CNTN3: variants seen among roughly 807,000 people sequenced by gnomAD.
CNTN3 encodes the protein contactin-3.
CNTN3 carries 60 observed loss-of-function variants against 119.1 expected under a neutral mutation model. The ratio of observed to expected loss-of-function variants is 0.50; its 90% CI spans 0.41 to 0.62. CNTN3 has a LOEUF of 0.62. CNTN3 is among the 20% of genes least tolerant of loss of function. The probability of loss-of-function intolerance (pLI) is 0.00; values close to 1 mark genes in which losing one functional copy is unlikely to be tolerated. For missense variants in CNTN3, 1,101 were observed against 1,242.4 expected, an observed-to-expected ratio of 0.89 and a Z score of 1.71; for synonymous variants, 450 against 438.7, an observed-to-expected ratio of 1.03 and a Z score of -0.32.
intron 13 of CNTN3, among the ~76,000 whole-genome samples, chr3:74,328,248 T>C (rs566242845): frequency 6.6e-6 from 1 of 152,284 alleles, no homozygotes; most frequent in East Asian, 1.9e-4. Context: ...TATTTCTTAC[T>C]AGTTCTTTGT....
At chr3:74,336,127 T>C (rs771260510) in intron 12 of CNTN3, among the ~76,000 whole-genome samples, 11 of 152,094 alleles carry the variant, frequency 7.2e-5, no homozygotes, top group Admixed American at 1.3e-4. Flanking sequence ...GAATAAAATA[T>C]ATCCACAACT....
At chr3:74,266,401 C>T (rs375557300) in intron 22 of CNTN3, 80 bp downstream of exon 22, 2 of 1,355,342 alleles carry the variant, frequency 1.5e-6, no homozygotes, top group East Asian at 2.3e-5. Context: ...AAAGAATGGA[C>T]AGAGGGATAC....
chr3:74,538,322 G>A (rs1575815995), intron 1 of CNTN3, among the ~76,000 whole-genome samples: 1 of 151,984 alleles, frequency 6.6e-6, no homozygotes, highest in South Asian at 2.1e-4. Flanking sequence ...CTTTATTTTG[G>A]TTACATAATC....
intron 1 of CNTN3, among the ~76,000 whole-genome samples, chr3:74,566,757 T>C (rs533648813): frequency 1.3e-5 from 2 of 152,322 alleles, no homozygotes; most frequent in East Asian, 1.9e-4. Context: ...TTATGACTTA[T>C]ATCTTTTTGA....
chr3:74,568,031 T>A (rs756391839), intron 1 of CNTN3, among the ~76,000 whole-genome samples: 5 of 152,142 alleles, frequency 3.3e-5, no homozygotes, highest in Non-Finnish European at 5.9e-5. Context: ...AGCCCCCACT[T>A]TTTCTAAACC....
chr3:74,559,291 T>C (rs773948608), intron 1 of CNTN3, among the ~76,000 whole-genome samples: 3 of 152,148 alleles, frequency 2.0e-5, no homozygotes, highest in African/African-American at 7.2e-5. Flanking sequence ...ATTCTTTAGA[T>C]GCAAGGACCC....
intron 1 of CNTN3, among the ~76,000 whole-genome samples, chr3:74,556,387 A>G (rs1704069441): frequency 6.6e-6 from 1 of 152,142 alleles, no homozygotes; most frequent in East Asian, 1.9e-4. Flanking sequence ...ATTTCATATA[A>G]ATGGAATCAT....
At chr3:74,369,100 C>T in intron 8 of CNTN3, 89 bp downstream of exon 8, 1 of 948,632 alleles carries the variant, frequency 1.1e-6, no homozygotes, top group East Asian at 3.0e-5. Context: ...TGGGATTCTG[C>T]TATAATCTCT....
intron 20 of CNTN3, among the ~76,000 whole-genome samples, chr3:74,279,480 G>A (rs970262176): frequency 3.3e-5 from 5 of 152,028 alleles, no homozygotes; most frequent in African/African-American, 4.8e-5. Flanking sequence ...ATGAATTAAC[G>A]GCATTCACAG....
intron 5 of CNTN3, among the ~76,000 whole-genome samples, chr3:74,398,650 T>C (rs1203391386): frequency 1.3e-5 from 2 of 152,206 alleles, no homozygotes; most frequent in Non-Finnish European, 2.9e-5. Flanking sequence ...AAAAATTCAT[T>C]TAGATCAACT....
intron 1 of CNTN3, among the ~76,000 whole-genome samples, chr3:74,545,377 T>G (rs1310894037): frequency 2.0e-5 from 3 of 152,188 alleles, no homozygotes; most frequent in Admixed American, 1.3e-4. Context: ...GTTAAGACTC[T>G]GTGAAAACTA....
At chr3:74,581,542 T>C (rs1704509604) in intron 1 of CNTN3, among the ~76,000 whole-genome samples, 1 of 152,186 alleles carries the variant, frequency 6.6e-6, no homozygotes, top group African/African-American at 2.4e-5. Context: ...AAGATGTCCA[T>C]TCTCCCTAAA....
chr3:74,496,024 A>G (rs950156311), intron 3 of CNTN3, among the ~76,000 whole-genome samples: 4 of 152,050 alleles, frequency 2.6e-5, no homozygotes, highest in African/African-American at 9.7e-5. Flanking sequence ...TACAGTGGCA[A>G]CTAGCCACAC....
chr3:74,462,144 C>T (rs558684461), intron 4 of CNTN3, among the ~76,000 whole-genome samples: 200 of 152,150 alleles, frequency 1.3e-3, no homozygotes, highest in African/African-American at 4.5e-3. Context: ...GCTCCAGCTA[C>T]TTAAGATGTG....
At chr3:74,524,728 C>T (rs1300702478) in intron 1 of CNTN3, among the ~76,000 whole-genome samples, 1 of 151,820 alleles carries the variant, frequency 6.6e-6, no homozygotes, top group African/African-American at 2.4e-5. Flanking sequence ...CTGGAGCCAA[C>T]CAAAAGGCTC....
chr3:74,503,718 C>A (rs1473897593), intron 2 of CNTN3, among the ~76,000 whole-genome samples: 1 of 152,124 alleles, frequency 6.6e-6, no homozygotes, highest in Non-Finnish European at 1.5e-5. Context: ...GGGCCTTTTG[C>A]CTAACTAATG....
chr3:74,357,407 C>T (rs1559561657), intron 11 of CNTN3, among the ~76,000 whole-genome samples: 1 of 152,042 alleles, frequency 6.6e-6, no homozygotes, highest in African/African-American at 2.4e-5. Context: ...CTTCAGCCTC[C>T]CAAGTAGCTG....
chr3:74,295,014 G>A (rs1356585047), intron 19 of CNTN3, 107 bp downstream of exon 19: 12 of 599,992 alleles, frequency 2.0e-5, no homozygotes, highest in South Asian at 3.4e-5. Flanking sequence ...AAAAAATTTC[G>A]GCCAAAGACA....
At chr3:74,413,237 T>C (rs1259680545) in intron 5 of CNTN3, among the ~76,000 whole-genome samples, 1 of 152,184 alleles carries the variant, frequency 6.6e-6, no homozygotes, top group East Asian at 1.9e-4. Flanking sequence ...GAATACAGAT[T>C]CAGCCAACCC....
Sources: allele counts gnomAD v4.1 joint callset (sites outside exome capture counted in the v4.1 genomes callset), GRCh38; gene constraint gnomAD v4.1.1; transcripts MANE v1.5; gene names NCBI Gene and HGNC (gene_info 2026-07-23, HGNC 2026-07-21).